B4GALT6: variants seen among roughly 807,000 people sequenced by gnomAD.
B4GALT6 encodes beta-1,4-galactosyltransferase 6, also known as UDP-Gal:beta-GlcNAc beta-1,4-galactosyltransferase 6.
Under a neutral mutation model 46.3 loss-of-function variants are expected in B4GALT6, and 14 were observed. That is an observed-to-expected ratio of 0.30 (90% CI 0.20 to 0.47). The LOEUF (loss-of-function observed/expected upper bound fraction) is 0.47. Ranked by LOEUF, B4GALT6 falls within the 20% of genes least tolerant of loss-of-function variation. B4GALT6 has a pLI of 0.99. For synonymous variants in B4GALT6, 168 were observed against 162.0 expected (o/e 1.04, Z -0.28); for missense variants, 386 against 480.1 (o/e 0.80, Z 1.83).
At chr18:31,658,351 G>A (rs1057188775) in intron 2 of B4GALT6, 2 of 286,650 alleles carry the variant, frequency 7.0e-6, no homozygotes, top group Non-Finnish European at 1.3e-5. Context: ...GCAACCATGT[G>A]AGAACACCTG....
chr18:31,657,867 T>G, intron 3 of B4GALT6, 109 bp downstream of exon 3: 1 of 734,752 alleles, frequency 1.4e-6, no homozygotes. Context: ...ATATAAACAT[T>G]TGCACCCAGG....
At chr18:31,646,832 C>T (rs751708809) in intron 3 of B4GALT6, among the ~76,000 whole-genome samples, 2 of 152,198 alleles carry the variant, frequency 1.3e-5, no homozygotes, top group African/African-American at 2.4e-5. Flanking sequence ...TATTTTACAT[C>T]GAAATACCTG....
chr18:31,673,654 A>G (rs1274822799), intron 1 of B4GALT6, among the ~76,000 whole-genome samples: 1 of 152,260 alleles, frequency 6.6e-6, no homozygotes, highest in African/African-American at 2.4e-5. Flanking sequence ...TGAAGTCCAC[A>G]TATAAATATA....
intron 7 of B4GALT6, 151 bp downstream of exon 7, chr18:31,626,847 GA>G (rs923457740): frequency 4.3e-4 from 257 of 593,580 alleles, no homozygotes; most frequent in African/African-American, 1.9e-3. Context: ...CAGACTTAAT[GA>G]AAAAAAAAGA....
At chr18:31,680,456 C>T (rs1403475101) in intron 1 of B4GALT6, among the ~76,000 whole-genome samples, 1 of 152,142 alleles carries the variant, frequency 6.6e-6, no homozygotes, top group Non-Finnish European at 1.5e-5. Context: ...TCCAGCAGGG[C>T]ACACACCCCA....
rs539540068 is a variant in B4GALT6, at chr18:31,674,241, T to A, written c.116-7869A>T. ...CAAAAGAAAGTTAACATAAGTAGAA[T>A]TAAAAACTCAGGATTCAAGCACAAG... On this transcript the variant is annotated intron_variant, in intron 1 of 8. Transcript: ENST00000306851. 5.9e-5 allele frequency among the ~76,000 whole-genome samples: 9 copies of A among 152,098 alleles called. No individual in the cohort carries two copies. The South Asian group carries it at 1.7e-3, about 28-fold the overall frequency.
chr18:31,659,359 T>C (rs773721081), intron 2 of B4GALT6, among the ~76,000 whole-genome samples: 3 of 152,126 alleles, frequency 2.0e-5, no homozygotes, highest in Admixed American at 6.5e-5. Context: ...TATTCAGTCA[T>C]TGTCACAATG....
upstream of B4GALT6, among the ~76,000 whole-genome samples, chr18:31,687,290 G>A (rs1037897051): frequency 2.0e-5 from 3 of 152,208 alleles, no homozygotes; most frequent in African/African-American, 7.2e-5. Flanking sequence ...TCGAGTATTT[G>A]TAAAATATAT....
intron 1 of B4GALT6, among the ~76,000 whole-genome samples, chr18:31,671,298 T>A (rs986709111): frequency 2.0e-5 from 3 of 152,198 alleles, no homozygotes; most frequent in African/African-American, 4.8e-5. Context: ...TATTTCCAGT[T>A]CTAGATCCTT....
upstream of B4GALT6, among the ~76,000 whole-genome samples, chr18:31,685,034 G>A (rs1174905778): frequency 2.7e-5 from 4 of 145,956 alleles, no homozygotes; most frequent in South Asian, 6.2e-4. Context: ...GGGCCCGCGG[G>A]GGCCCTCGGG....
intron 6 of B4GALT6, among the ~76,000 whole-genome samples, chr18:31,627,940 G>GCAGA (rs2073722196): frequency 2.6e-5 from 4 of 152,168 alleles, no homozygotes; most frequent in African/African-American, 9.7e-5. Flanking sequence ...CAGAGAAAAC[G>GCAGA]TGACCATGCA....
the B4GALT6 span, among the ~76,000 whole-genome samples, chr18:31,695,792 C>T: frequency 6.6e-6 from 1 of 152,204 alleles, no homozygotes; most frequent in South Asian, 2.1e-4. Context: ...GGCAAAATGT[C>T]AGTGAGAAAA....
intron 3 of B4GALT6, among the ~76,000 whole-genome samples, chr18:31,650,394 C>G (rs1214763437): frequency 1.3e-5 from 2 of 152,204 alleles, no homozygotes. Context: ...AAGCTAGAAC[C>G]CACTCTCCAA....
In B4GALT6 at chr18:31,623,277, T is replaced by C. The variant is rs1458015257; in HGVS notation, c.*2337A>G. 1 of 152,226 alleles carries C rather than the reference T, an allele frequency of 6.6e-6. No individual in the cohort carries two copies. The allele number at this position is 152,226 out of a possible 1,614,324, so 9.4% of individuals were successfully genotyped here. Reference sequence around the variant, plus strand: ...ACAGAAACATATTAAGTTCACTGTTTATAGGCAAAAATAATTTTAGGTCTA... The same window carrying C: ...ACAGAAACATATTAAGTTCACTGTTCATAGGCAAAAATAATTTTAGGTCTA... On this transcript the variant is annotated 3_prime_UTR_variant, in exon 9 of 9. Coordinates refer to ENST00000306851, the MANE Select transcript of B4GALT6 (RefSeq NM_004775.5).
Position 31,666,247 on chromosome 18 carries a change from T to C in B4GALT6, c.232+9A>G, listed in dbSNP as rs779109112. 35 of 1,485,070 alleles carry C rather than the reference T, an allele frequency of 2.4e-5. 1 individual carries two copies. The highest frequency in any genetic ancestry group is 2.1e-4 in the East Asian group (9 of 43,106). 92.0% of individuals were successfully genotyped at this position (1,485,070 alleles called of 1,614,324 possible). A position where few individuals can be genotyped will look rare whatever the true frequency, so the allele number is the denominator to read the frequency against. The stretch of plus-strand genomic sequence containing the variant: ...TAACTACAAGGGGTTAAGCAGGAAG[T>C]AGTCTTACCTGTACCGTTGAGCGTA... On this transcript the variant is annotated intron_variant, in intron 2 of 8. Transcript: ENST00000306851.
chr18:31,707,439 A>G, the B4GALT6 span, among the ~76,000 whole-genome samples: 1 of 152,144 alleles, frequency 6.6e-6, no homozygotes, highest in Non-Finnish European at 1.5e-5. Flanking sequence ...AACTGATCTC[A>G]TTACGAGTTG....
At chr18:31,655,976 A>G (rs1472833493) in intron 3 of B4GALT6, among the ~76,000 whole-genome samples, 2 of 152,130 alleles carry the variant, frequency 1.3e-5, no homozygotes, top group Non-Finnish European at 2.9e-5. Flanking sequence ...CCCAAGGCTC[A>G]GCGGCAACAG....
chr18:31,724,583 G>A, the B4GALT6 span: 1 of 1,060,622 alleles, frequency 9.4e-7, no homozygotes, highest in Non-Finnish European at 1.1e-6. Context: ...TCTTGGACAC[G>A]GATTCAGCTG....
intron 1 of B4GALT6, among the ~76,000 whole-genome samples, chr18:31,670,004 C>A (rs2074331406): frequency 6.6e-6 from 1 of 151,014 alleles, no homozygotes; most frequent in Non-Finnish European, 1.5e-5. Context: ...TTCCTGGAAA[C>A]AACTTTTTAA....
Sources: allele counts gnomAD v4.1 joint callset (sites outside exome capture counted in the v4.1 genomes callset), GRCh38; gene constraint gnomAD v4.1.1; transcripts MANE v1.5; gene names NCBI Gene and HGNC (gene_info 2026-07-23, HGNC 2026-07-21).